The following PDIA5 variants were observed in gnomAD, a reference collection of about 807,000 sequenced individuals.
PDIA5 encodes the protein protein disulfide-isomerase A5.
In PDIA5, 58 loss-of-function variants were observed where a neutral mutation model predicts 77.6. The observed-to-expected ratio is 0.75, with a 90% CI of 0.61 to 0.93. The LOEUF is 0.93. PDIA5 is among the 40% of genes least tolerant of loss of function. The probability of loss-of-function intolerance (pLI) is 0.00; values close to 1 mark genes in which losing one functional copy is unlikely to be tolerated. For synonymous variants in PDIA5, 250 were observed against 252.1 expected, an observed-to-expected ratio of 0.99 and a Z score of 0.08; for missense variants, 630 against 647.7, an observed-to-expected ratio of 0.97 and a Z score of 0.30.
Position 123,125,468 on chromosome 3 carries a change from G to A in PDIA5, c.773+1125G>A, listed in dbSNP as rs117306377. Among the ~76,000 whole-genome samples the A allele has an allele frequency of 2.6e-4, 40 of 152,214 alleles. No homozygotes were observed. The East Asian group carries it at 7.3e-3, about 28-fold the overall frequency. ...CACCAACCCAGCTCCCTGCAGCCCC[G>A]ACAGTCCAACTTAGCCTCCTCAAGT... On this transcript the variant is annotated intron_variant, in intron 10 of 16. Transcript: ENST00000316218.
chr3:123,115,035 T>A (rs1245409353), intron 7 of PDIA5, among the ~76,000 whole-genome samples: 2 of 152,268 alleles, frequency 1.3e-5, no homozygotes, highest in East Asian at 3.9e-4. Flanking sequence ...ATGTTGGCCT[T>A]CTGGCTTCAC....
chr3:123,091,302 G>A (rs148716171), intron 2 of PDIA5, among the ~76,000 whole-genome samples: 11 of 152,262 alleles, frequency 7.2e-5, no homozygotes, highest in East Asian at 5.8e-4. Context: ...GGCGATCTGC[G>A]GAGGCACATA....
At chr3:123,114,577 A>G (rs1317526226) in intron 7 of PDIA5, among the ~76,000 whole-genome samples, 1 of 152,134 alleles carries the variant, frequency 6.6e-6, no homozygotes, top group East Asian at 1.9e-4. Flanking sequence ...CCCAGAGCTG[A>G]GCTCCTTCCT....
intron 15 of PDIA5, among the ~76,000 whole-genome samples, chr3:123,158,046 T>A (rs1936058408): frequency 6.6e-6 from 1 of 152,358 alleles, no homozygotes; most frequent in South Asian, 2.1e-4. Context: ...TCCTCCTGTT[T>A]ATGAGGCTGG....
chr3:123,155,038 A>G lies in PDIA5; in HGVS notation c.1341A>G (p.Arg447=). 6.2e-7 allele frequency: 1 copy of G among 1,604,232 alleles called. No individual in the cohort carries two copies. Among genetic ancestry groups the G allele is most frequent in the African/African-American group, 1.3e-5 (1 of 74,836 alleles). ...TATADAFKDD[R]KIACAAVDCV... The stretch of plus-strand genomic sequence containing the variant: ...CTGCTGATGCCTTCAAAGATGACCG[A>G]AAGGTAAGGACAGCGCTCTTCATCT... Residue 447 remains arginine (R), a synonymous_variant, in exon 15 of 17, where the codon CGA becomes CGG. Coordinates refer to ENST00000316218, the MANE Select transcript of PDIA5 (RefSeq NM_006810.4).
At chr3:123,080,667 G>T (rs1933975052) in intron 1 of PDIA5, among the ~76,000 whole-genome samples, 1 of 152,142 alleles carries the variant, frequency 6.6e-6, no homozygotes, top group African/African-American at 2.4e-5. Flanking sequence ...ATGATTTGGT[G>T]CTTGAGGCAC....
chr3:123,137,496 A>G (rs1209440488), intron 11 of PDIA5, among the ~76,000 whole-genome samples: 1 of 152,192 alleles, frequency 6.6e-6, no homozygotes, highest in Non-Finnish European at 1.5e-5. Flanking sequence ...TTCATTGTAC[A>G]AAGCTTTACA....
chr3:123,083,697 T>C (rs1329392341), intron 1 of PDIA5, among the ~76,000 whole-genome samples: 3 of 152,226 alleles, frequency 2.0e-5, no homozygotes, highest in Non-Finnish European at 4.4e-5. Context: ...AGATAGTTTT[T>C]GCATCATTAA....
intron 8 of PDIA5, 36 bp from the exon 9 acceptor site, chr3:123,124,030 A>G: frequency 7.3e-7 from 1 of 1,368,352 alleles, no homozygotes; most frequent in Non-Finnish European, 1.0e-6. Context: ...TCTGTGGGGC[A>G]CAGGCTCCAC....
In PDIA5 at chr3:123,157,259, G is replaced by T. The variant is rs549874218; in HGVS notation, c.1344+2218G>T. Among the ~76,000 whole-genome samples the T allele has an allele frequency of 2.6e-5, 4 of 152,282 alleles. No individual in the cohort carries two copies. The South Asian group carries it at 8.3e-4, about 32-fold the overall frequency. On this transcript the variant is annotated intron_variant, in intron 15 of 16. Transcript: ENST00000316218. The stretch of plus-strand genomic sequence containing the variant: ...ATCAGGGAAGCCAGCCATCTGGCCT[G>T]GGGGGCTGAACTTACTGGTGCCCAC...
chr3:123,080,262 T>A (rs1933966134), intron 1 of PDIA5, among the ~76,000 whole-genome samples: 1 of 152,216 alleles, frequency 6.6e-6, no homozygotes, highest in Admixed American at 6.5e-5. Context: ...CACAGCCTTC[T>A]GGGTCCAGCT....
chr3:123,155,415 G>A (rs1457186319), intron 15 of PDIA5, among the ~76,000 whole-genome samples: 3 of 152,214 alleles, frequency 2.0e-5, no homozygotes, highest in Non-Finnish European at 4.4e-5. Context: ...CCATGGTGGA[G>A]GAGAGCAAGG....
intron 3 of PDIA5, among the ~76,000 whole-genome samples, chr3:123,093,032 A>G (rs1170165224): frequency 9.2e-5 from 14 of 152,194 alleles, no homozygotes; most frequent in Non-Finnish European, 1.6e-4. Context: ...CTGCAGGTTA[A>G]GCGAGCTTTT....
intron 15 of PDIA5, among the ~76,000 whole-genome samples, chr3:123,157,059 G>A (rs1249279043): frequency 6.6e-6 from 1 of 152,208 alleles, no homozygotes; most frequent in African/African-American, 2.4e-5. Context: ...GGCCAGTGGT[G>A]TTGTGGCCTT....
chr3:123,132,689 C>T (rs1576457199), intron 11 of PDIA5, among the ~76,000 whole-genome samples: 1 of 152,196 alleles, frequency 6.6e-6, no homozygotes, highest in East Asian at 1.9e-4. Flanking sequence ...CCTGGCCAGC[C>T]TCAGAGCTGC....
intron 11 of PDIA5, among the ~76,000 whole-genome samples, chr3:123,135,425 A>G (rs113365484): frequency 0.062 from 9,413 of 152,212 alleles, 441 homozygotes; most frequent in Non-Finnish European, 0.078. Flanking sequence ...CTTGGGGGCC[A>G]CGTGGCTCTA....
chr3:123,151,947 G>GCCTT (rs1472772424), intron 14 of PDIA5, among the ~76,000 whole-genome samples: 1 of 118,840 alleles, frequency 8.4e-6, no homozygotes, highest in Non-Finnish European at 1.7e-5. Flanking sequence ...CTTCCTGCCT[G>GCCTT]CCTTCCTTCC....
intron 11 of PDIA5, among the ~76,000 whole-genome samples, chr3:123,135,982 G>T (rs56975762): frequency 6.7e-6 from 1 of 150,314 alleles, no homozygotes; most frequent in Admixed American, 6.7e-5. Context: ...TTTTTTTAGA[G>T]ACAGGGTCTC....
chr3:123,127,690 C>T (rs746184041), intron 10 of PDIA5, among the ~76,000 whole-genome samples: 5 of 152,192 alleles, frequency 3.3e-5, no homozygotes, highest in Non-Finnish European at 7.3e-5. Context: ...AGTGTTGGTT[C>T]TCCTCTTCAG....
Sources: gnomAD v4.1 joint callset for allele counts (sites outside exome capture counted in the v4.1 genomes callset) on GRCh38, gnomAD v4.1.1 for gene constraint, MANE v1.5 for transcripts, NCBI Gene and HGNC (gene_info 2026-07-23, HGNC 2026-07-21) for gene names.